Variants in COL4A5 observed in about 807,000 individuals in gnomAD.
The protein encoded by COL4A5 is collagen type IV alpha 5 chain.
In COL4A5, 26 loss-of-function variants were observed where a neutral mutation model predicts 130.2. The ratio of observed to expected loss-of-function variants is 0.20; its 90% CI spans 0.15 to 0.28. The LOEUF (loss-of-function observed/expected upper bound fraction) is 0.28. Ranked by LOEUF, COL4A5 falls within the 10% of genes least tolerant of loss-of-function variation. The pLI, the probability that COL4A5 is intolerant of heterozygous loss-of-function variation, is 1.00. For missense variants in COL4A5, 1,131 were observed against 1,344.3 expected (o/e 0.84, Z 2.48); for synonymous variants, 496 against 439.6 (o/e 1.13, Z -1.60).
chrX:108,680,478 G>A (rs932979865), intron 44 of COL4A5, among the ~76,000 whole-genome samples: 1 of 111,206 alleles, frequency 9.0e-6, no homozygotes, highest in African/African-American at 3.3e-5. Flanking sequence ...CTCCAAATTT[G>A]AGGTGAGAAA....
At chrX:108,492,437 A>G (rs2065000931) in intron 1 of COL4A5, among the ~76,000 whole-genome samples, 1 of 112,122 alleles carries the variant, frequency 8.9e-6, no homozygotes. Flanking sequence ...GAGGGAAGAG[A>G]ATCTGATTTT....
intron 2 of COL4A5, among the ~76,000 whole-genome samples, chrX:108,557,852 G>C (rs1011013112): frequency 9.0e-6 from 1 of 110,607 alleles, no homozygotes; most frequent in Non-Finnish European, 1.9e-5. Flanking sequence ...TCGAGCCTTA[G>C]AAAAGTGGAG....
intron 36 of COL4A5, chrX:108,627,644 A>G (rs2067177759): frequency 1.8e-6 from 1 of 567,435 alleles, no homozygotes; most frequent in Non-Finnish European, 2.1e-6. Context: ...TAAAACACTT[A>G]TAATAATGTA....
intron 1 of COL4A5, among the ~76,000 whole-genome samples, chrX:108,521,381 G>A (rs1206022600): frequency 1.8e-5 from 2 of 110,528 alleles, no homozygotes; most frequent in South Asian, 3.9e-4. Context: ...TGAATAACTC[G>A]GAAAATTGAG....
intron 1 of COL4A5, among the ~76,000 whole-genome samples, chrX:108,497,941 T>C (rs2065048337): frequency 9.0e-6 from 1 of 111,698 alleles, no homozygotes; most frequent in Non-Finnish European, 1.9e-5. Flanking sequence ...TTCACAAAAG[T>C]TTTCTTCCAG....
At chrX:108,484,994 A>G (rs185392306) in intron 1 of COL4A5, among the ~76,000 whole-genome samples, 1 of 112,054 alleles carries the variant, frequency 8.9e-6, no homozygotes, top group African/African-American at 3.2e-5. Flanking sequence ...ACTCTAGCAG[A>G]TTTGACCCTC....
At chrX:108,654,125 T>C (rs1437086475) in intron 36 of COL4A5, among the ~76,000 whole-genome samples, 1 of 112,517 alleles carries the variant, frequency 8.9e-6, no homozygotes, top group Non-Finnish European at 1.9e-5. Flanking sequence ...CTGATCTTCA[T>C]GCGCAGAGCA....
At chrX:108,504,599 C>T (rs1212539476) in intron 1 of COL4A5, among the ~76,000 whole-genome samples, 1 of 112,060 alleles carries the variant, frequency 8.9e-6, no homozygotes, top group Non-Finnish European at 1.9e-5. Flanking sequence ...TTTCTGTCTT[C>T]AAAAGAAGGC....
chrX:108,591,736 C>G, intron 21 of COL4A5, 92 bp downstream of exon 21: 1 of 706,356 alleles, frequency 1.4e-6, no homozygotes, highest in Non-Finnish European at 2.3e-6. Flanking sequence ...ACCTTAGCCA[C>G]TGACTCCCAT....
At chrX:108,591,998 A>G (rs1192742880) in intron 21 of COL4A5, among the ~76,000 whole-genome samples, 1 of 111,609 alleles carries the variant, frequency 9.0e-6, no homozygotes, top group Non-Finnish European at 1.9e-5. Context: ...TCATAAATCC[A>G]TGATTCCTTT....
chrX:108,492,688 A>G (rs1187521294), intron 1 of COL4A5, among the ~76,000 whole-genome samples: 1 of 111,605 alleles, frequency 9.0e-6, no homozygotes, highest in Non-Finnish European at 1.9e-5. Flanking sequence ...ACATGCTTTT[A>G]TAGAGATGGA....
chrX:108,662,650 T>A (rs577590511), intron 37 of COL4A5, among the ~76,000 whole-genome samples: 27 of 111,605 alleles, frequency 2.4e-4, no homozygotes, highest in African/African-American at 8.5e-4. Flanking sequence ...GGAATACAAC[T>A]TACAAGGGAT....
At chrX:108,668,781 T>C (rs2068137873) in intron 41 of COL4A5, among the ~76,000 whole-genome samples, 1 of 112,021 alleles carries the variant, frequency 8.9e-6, no homozygotes, top group Admixed American at 9.5e-5. Context: ...AAGGAAATGG[T>C]AGTTTTATTA....
chrX:108,551,238 C>G (rs1461209663), intron 2 of COL4A5, among the ~76,000 whole-genome samples: 1 of 111,361 alleles, frequency 9.0e-6, no homozygotes, highest in Non-Finnish European at 1.9e-5. Context: ...TATTTGCAAA[C>G]TATGCATCCA....
Position 108,614,814 on chromosome X carries a change from C to T in COL4A5, c.2396-97C>T, listed in dbSNP as rs1040417299. The T allele has an allele frequency of 6.5e-5, 38 of 586,308 alleles. 1 individual carries two copies. The highest frequency in any genetic ancestry group is 7.0e-5 in the Non-Finnish European group (24 of 341,340). 48.3% of individuals were successfully genotyped at this position (586,308 alleles called of 1,213,427 possible). A position where few individuals can be genotyped will look rare whatever the true frequency, so the allele number is the denominator to read the frequency against. ...TGTACTTTTCTTGCTGAATGAATGC[C>T]CAGTTTTTCAAGATTCTTGCTTAAT... On this transcript the variant is annotated intron_variant, in intron 29 of 52. Transcript: ENST00000328300.
At chrX:108,645,849 C>T (rs1295744952) in intron 36 of COL4A5, among the ~76,000 whole-genome samples, 7 of 107,454 alleles carry the variant, frequency 6.5e-5, no homozygotes, top group African/African-American at 2.0e-4. Context: ...TTTGTCCTTG[C>T]GATAGTTTGC....
At chrX:108,460,594 A>G (rs2064635548) in intron 1 of COL4A5, among the ~76,000 whole-genome samples, 2 of 105,894 alleles carry the variant, frequency 1.9e-5, no homozygotes, top group Admixed American at 2.1e-4. Flanking sequence ...GATTCAAGCA[A>G]TTCTCCTGCC....
At chrX:108,442,621 C>T (rs1389154999) in intron 1 of COL4A5, among the ~76,000 whole-genome samples, 1 of 111,127 alleles carries the variant, frequency 9.0e-6, no homozygotes, top group East Asian at 2.8e-4. Flanking sequence ...ATATTTTTGT[C>T]TACTTTAAAC....
chrX:108,577,456 T>TAAGAGGCA (rs2066173096), intron 10 of COL4A5, among the ~76,000 whole-genome samples: 1 of 108,852 alleles, frequency 9.2e-6, no homozygotes, highest in African/African-American at 3.3e-5. Context: ...CCATTGAGGT[T>TAAGAGGCA]AAGAGGCAAC....
Sources: gnomAD v4.1 joint callset for allele counts (sites outside exome capture counted in the v4.1 genomes callset) on GRCh38, gnomAD v4.1.1 for gene constraint, MANE v1.5 for transcripts, NCBI Gene and HGNC (gene_info 2026-07-23, HGNC 2026-07-21) for gene names.